Variants in SPMIP6 observed in about 807,000 individuals in gnomAD.
The protein encoded by SPMIP6 is sperm microtubule inner protein 6.
the SPMIP6 span, chr9:34,380,889 C>A: frequency 1.3e-6 from 2 of 1,526,812 alleles, no homozygotes; most frequent in East Asian, 2.4e-5. Context: ...GGGCGGAGCC[C>A]TGCGAACCTT....
At chr9:34,395,585 C>CAT in the SPMIP6 span, among the ~76,000 whole-genome samples, 2 of 152,154 alleles carry the variant, frequency 1.3e-5, no homozygotes, top group Non-Finnish European at 2.9e-5. Flanking sequence ...TGACTTCACC[C>CAT]ACCATTTATA....
chr9:34,397,412 G>A, the SPMIP6 span: 23 of 1,425,718 alleles, frequency 1.6e-5, no homozygotes, highest in Non-Finnish European at 2.3e-5. Flanking sequence ...CATACACAAA[G>A]CTACAAATCA....
At chr9:34,380,918 C>A in the SPMIP6 span, 4 of 1,592,704 alleles carry the variant, frequency 2.5e-6, no homozygotes, top group South Asian at 2.2e-5. Context: ...TTGCTCCCGG[C>A]ACCAAGGCCG....
At chr9:34,380,556 T>TG in the SPMIP6 span, 2 of 1,267,500 alleles carry the variant, frequency 1.6e-6, no homozygotes, top group Non-Finnish European at 2.1e-6. Context: ...GCCAAGGAGA[T>TG]GGGGGAAGAG....
the SPMIP6 span, chr9:34,379,183 T>C: frequency 3.9e-5 from 62 of 1,601,502 alleles, no homozygotes; most frequent in Middle Eastern, 6.6e-4. The surrounding 1 kb of genome is among the most constrained non-coding windows in gnomAD (Gnocchi z 4.2). Context: ...GTGTCCCATC[T>C]ACAGGAAGAG....
At chr9:34,388,178 T>C in the SPMIP6 span, among the ~76,000 whole-genome samples, 2 of 150,138 alleles carry the variant, frequency 1.3e-5, no homozygotes, top group Admixed American at 1.3e-4. Context: ...TTCGCTCTTC[T>C]CACCCAGGCT....
the SPMIP6 span, chr9:34,380,560 G>T: frequency 7.7e-7 from 1 of 1,306,932 alleles, no homozygotes; most frequent in Non-Finnish European, 1.0e-6. Context: ...AGGAGATGGG[G>T]GAAGAGGATG....
chr9:34,390,440 A>G, the SPMIP6 span, among the ~76,000 whole-genome samples: 3 of 152,176 alleles, frequency 2.0e-5, no homozygotes, highest in Non-Finnish European at 4.4e-5. Flanking sequence ...AAGAATTTTT[A>G]CTAAGATCTC....
the SPMIP6 span, among the ~76,000 whole-genome samples, chr9:34,396,084 C>T: frequency 6.6e-6 from 1 of 152,000 alleles, no homozygotes; most frequent in Non-Finnish European, 1.5e-5. Context: ...ATTATACTAG[C>T]AAAATTTTAT....
the SPMIP6 span, chr9:34,380,872 C>T: frequency 6.7e-7 from 1 of 1,501,278 alleles, no homozygotes; most frequent in Non-Finnish European, 8.9e-7. Flanking sequence ...TGGAGCCCGG[C>T]TGAGGCGGGC....
At chr9:34,380,805 C>A in the SPMIP6 span, 1 of 1,530,426 alleles carries the variant, frequency 6.5e-7, no homozygotes, top group Non-Finnish European at 8.8e-7. Flanking sequence ...TGGGGGCCTG[C>A]ACGGAAGCTG....
the SPMIP6 span, among the ~76,000 whole-genome samples, chr9:34,384,613 T>C: frequency 1.3e-5 from 2 of 152,178 alleles, no homozygotes; most frequent in South Asian, 2.1e-4. Flanking sequence ...TGTTTCATCA[T>C]AGGAGATGCA....
the SPMIP6 span, chr9:34,382,578 C>T: frequency 1.8e-6 from 1 of 566,874 alleles, no homozygotes; most frequent in Non-Finnish European, 3.1e-6. Flanking sequence ...GAGTGAGACT[C>T]TATCTAAAAA....
At chr9:34,397,024 T>C in the SPMIP6 span, among the ~76,000 whole-genome samples, 1 of 152,174 alleles carries the variant, frequency 6.6e-6, no homozygotes, top group Admixed American at 6.5e-5. Context: ...AAGGCATGCA[T>C]ATAGGACAGT....
chr9:34,394,123 C>A, the SPMIP6 span, among the ~76,000 whole-genome samples: 1 of 152,064 alleles, frequency 6.6e-6, no homozygotes, highest in Non-Finnish European at 1.5e-5. Flanking sequence ...CTATGCCTGG[C>A]CAGATTTCAC....
the SPMIP6 span, among the ~76,000 whole-genome samples, chr9:34,384,870 C>T: frequency 6.6e-6 from 1 of 151,848 alleles, no homozygotes; most frequent in Non-Finnish European, 1.5e-5. Context: ...CTGTTGAGAA[C>T]AGGAGCAAGA....
At chr9:34,393,311 T>C in the SPMIP6 span, among the ~76,000 whole-genome samples, 1 of 152,258 alleles carries the variant, frequency 6.6e-6, no homozygotes, top group African/African-American at 2.4e-5. Context: ...ATTTACCTCA[T>C]GTTTATCAGT....
chr9:34,382,207 G>A, the SPMIP6 span, among the ~76,000 whole-genome samples: 1 of 152,162 alleles, frequency 6.6e-6, no homozygotes, highest in South Asian at 2.1e-4. Flanking sequence ...GCCAGGGATT[G>A]GAGCCCAGGG....
chr9:34,396,597 C>G, the SPMIP6 span, among the ~76,000 whole-genome samples: 1 of 152,148 alleles, frequency 6.6e-6, no homozygotes, highest in African/African-American at 2.4e-5. Flanking sequence ...CCTCTCTCAC[C>G]CAAGGACTAA....
Sources: allele counts gnomAD v4.1 joint callset (sites outside exome capture counted in the v4.1 genomes callset), GRCh38; gene constraint gnomAD v4.1.1; non-coding constraint Gnocchi (gnomAD v3.1); transcripts MANE v1.5; gene names NCBI Gene and HGNC (gene_info 2026-07-23, HGNC 2026-07-21).